The following SNX29 variants were observed in gnomAD, a reference collection of about 807,000 sequenced individuals.
The protein encoded by SNX29 is sorting nexin-29.
In SNX29, 78 loss-of-function variants were observed where a neutral mutation model predicts 102.1. That is an observed-to-expected ratio of 0.76 (90% CI 0.64 to 0.92). SNX29 has a LOEUF of 0.92. Among genes scored for constraint, SNX29 ranks in the 40% least tolerant of loss-of-function variants. The pLI is 0.00. For missense variants in SNX29, 1,280 were observed against 1,061.7 expected, an observed-to-expected ratio of 1.21 and a Z score of -2.86; for synonymous variants, 580 against 414.5, an observed-to-expected ratio of 1.40 and a Z score of -4.85.
intron 20 of SNX29, among the ~76,000 whole-genome samples, chr16:12,566,659 C>T (rs189782204): frequency 1.3e-5 from 2 of 151,660 alleles, no homozygotes; most frequent in African/African-American, 2.4e-5. Context: ...GAACCATCCT[C>T]TAAGGAGCAT....
chr16:12,207,703 T>C (rs2142016115), intron 14 of SNX29, among the ~76,000 whole-genome samples: 1 of 152,288 alleles, frequency 6.6e-6, no homozygotes, highest in Non-Finnish European at 1.5e-5. Context: ...GTTGCATTTG[T>C]GGTACGATCC....
chr16:12,000,045 AG>A (rs149703515), intron 2 of SNX29, among the ~76,000 whole-genome samples: 4,469 of 152,192 alleles, frequency 0.029, 213 homozygotes, highest in African/African-American at 0.1. Context: ...TAGGACAAGG[AG>A]GATGGAGGCC....
At chr16:12,083,835 CA>C (rs1215269708) in intron 11 of SNX29, among the ~76,000 whole-genome samples, 1 of 152,238 alleles carries the variant, frequency 6.6e-6, no homozygotes, top group African/African-American at 2.4e-5. Context: ...CACATCCCGC[CA>C]AGTGGCTTCC....
At chr16:12,409,402 C>T (rs1265591308) in intron 18 of SNX29, among the ~76,000 whole-genome samples, 3 of 149,648 alleles carry the variant, frequency 2.0e-5, no homozygotes, top group East Asian at 2.0e-4. Context: ...TGACTCCAAA[C>T]GGGTTTGAGA....
chr16:12,249,981 G>A (rs1157482362), intron 14 of SNX29, among the ~76,000 whole-genome samples: 1 of 152,182 alleles, frequency 6.6e-6, no homozygotes, highest in East Asian at 1.9e-4. Context: ...AGGGCAGATC[G>A]ACAGGTCAAG....
At position 12,137,606 on chromosome 16, in the gene SNX29, A is replaced by G. The variant is rs1273391064; in HGVS notation, c.1595+7848A>G. 3.3e-5 allele frequency among the ~76,000 whole-genome samples: 5 copies of G among 152,184 alleles called. No homozygotes were observed. The South Asian group carries it at 6.2e-4, about 19-fold the overall frequency. On this transcript the variant is annotated intron_variant, in intron 13 of 20. Coordinates refer to ENST00000566228, the MANE Select transcript of SNX29 (RefSeq NM_032167.5). ...CCCAGGCGACCTTTATTGGCTTTCT[A>G]TGAAGGCTTTAAATCTCACACTCCA...
At chr16:12,273,910 T>C (rs1437261505) in intron 14 of SNX29, among the ~76,000 whole-genome samples, 2 of 152,166 alleles carry the variant, frequency 1.3e-5, no homozygotes, top group Non-Finnish European at 2.9e-5. Context: ...GCAGCGTGAG[T>C]CTGCTCTTCA....
intron 18 of SNX29, among the ~76,000 whole-genome samples, chr16:12,468,877 G>T (rs1158659151): frequency 6.6e-6 from 1 of 152,242 alleles, no homozygotes; most frequent in Non-Finnish European, 1.5e-5. Flanking sequence ...AGCACAGGCA[G>T]TGTCAGCGGG....
chr16:12,061,467 G>C (rs2050771635), intron 8 of SNX29, 61 bp from the exon 9 acceptor site: 1 of 1,374,610 alleles, frequency 7.3e-7, no homozygotes, highest in Non-Finnish European at 1.0e-6. Context: ...GATGCTTGTT[G>C]GTGAGTCATG....
intron 18 of SNX29, among the ~76,000 whole-genome samples, chr16:12,417,711 C>T (rs1165461199): frequency 4.0e-5 from 6 of 151,838 alleles, no homozygotes; most frequent in Admixed American, 1.3e-4. Flanking sequence ...CTTCTCTTTC[C>T]TCTCTTCTCT....
intron 16 of SNX29, among the ~76,000 whole-genome samples, chr16:12,389,731 G>A (rs796221924): frequency 2.6e-5 from 4 of 152,272 alleles, no homozygotes; most frequent in African/African-American, 9.6e-5. Context: ...TACCCTCATA[G>A]GAGAACACAG....
At chr16:12,516,440 A>T (rs1039336226) in intron 19 of SNX29, among the ~76,000 whole-genome samples, 6 of 146,732 alleles carry the variant, frequency 4.1e-5, no homozygotes, top group African/African-American at 1.5e-4. Flanking sequence ...TGATTGTACC[A>T]CTGCACTTCA....
intron 17 of SNX29, among the ~76,000 whole-genome samples, chr16:12,400,786 C>T (rs755946661): frequency 1.3e-5 from 2 of 152,178 alleles, no homozygotes; most frequent in Non-Finnish European, 2.9e-5. Context: ...ACAAACAGCT[C>T]TACAATAAGA....
chr16:12,332,623 T>C (rs158472), intron 15 of SNX29, among the ~76,000 whole-genome samples: 148,495 of 152,198 alleles, frequency 0.98, 72,562 homozygotes, highest in Middle Eastern at 1. Context: ...GCAGGTGCTT[T>C]TGACGCTCAA....
Position 12,494,163 on chromosome 16 carries a change from G to C in SNX29, c.2178+16304G>C, listed in dbSNP as rs13331625. ...CGGAGTTCAAGACCAGCCTGGGCAA[G>C]ACAGTGAGTTCCTGTCTCAACAACA... On this transcript the variant is annotated intron_variant, in intron 19 of 20. Transcript: ENST00000566228. 3.2e-3 allele frequency among the ~76,000 whole-genome samples: 480 copies of C among 152,268 alleles called. 7 individuals are homozygous for C. The highest frequency in any genetic ancestry group is 0.011 in the African/African-American group (450 of 41,556).
intron 19 of SNX29, 60 bp from the exon 20 acceptor site, chr16:12,524,642 G>A (rs1316826270): frequency 2.5e-6 from 4 of 1,576,836 alleles, no homozygotes; most frequent in Non-Finnish European, 3.5e-6. Flanking sequence ...TGTTCTATAG[G>A]GTCATTTCTG....
intron 15 of SNX29, among the ~76,000 whole-genome samples, chr16:12,285,074 T>A (rs779512910): frequency 6.6e-6 from 1 of 152,238 alleles, no homozygotes; most frequent in Non-Finnish European, 1.5e-5. Context: ...TCTGCCTGTT[T>A]ATAGTGAATT....
intron 11 of SNX29, among the ~76,000 whole-genome samples, chr16:12,126,063 T>TA (rs2054202582): frequency 1.3e-5 from 2 of 152,184 alleles, no homozygotes; most frequent in Non-Finnish European, 2.9e-5. Flanking sequence ...ATAGATCATT[T>TA]AAAAAATCTT....
intron 9 of SNX29, among the ~76,000 whole-genome samples, chr16:12,066,082 C>A (rs1596752007): frequency 6.6e-6 from 1 of 152,144 alleles, no homozygotes; most frequent in East Asian, 1.9e-4. Context: ...ACCGTGTGGA[C>A]ATTGTATCCT....
Sources: gnomAD v4.1 joint callset for allele counts (sites outside exome capture counted in the v4.1 genomes callset) on GRCh38, gnomAD v4.1.1 for gene constraint, MANE v1.5 for transcripts, NCBI Gene and HGNC (gene_info 2026-07-23, HGNC 2026-07-21) for gene names.